The following ADAMTSL1 variants were observed in gnomAD, a reference collection of about 807,000 sequenced individuals.
The protein encoded by ADAMTSL1 is ADAMTS-like protein 1.
A neutral mutation model predicts 201.8 loss-of-function variants in ADAMTSL1; 126 were observed. The observed-to-expected ratio is 0.62, with a 90% CI of 0.54 to 0.72. The LOEUF (loss-of-function observed/expected upper bound fraction) is 0.72. Among genes scored for constraint, ADAMTSL1 ranks in the 30% least tolerant of loss-of-function variants. ADAMTSL1 has a pLI of 0.00. For synonymous variants in ADAMTSL1, 1,121 were observed against 903.4 expected (o/e 1.24, Z -4.32); for missense variants, 2,679 against 2,277.8 (o/e 1.18, Z -3.59).
intron 2 of ADAMTSL1, among the ~76,000 whole-genome samples, chr9:18,173,661 A>G (rs985927949): frequency 3.9e-5 from 6 of 152,186 alleles, no homozygotes; most frequent in Admixed American, 3.9e-4. Context: ...AAGTAATAAA[A>G]TGTGAAGCAT....
In ADAMTSL1 at chr9:18,010,460, C is replaced by A. The variant is rs189856448; in HGVS notation, c.87+103538C>A. Among the ~76,000 whole-genome samples the A allele has an allele frequency of 2.0e-5, 3 of 152,108 alleles. No homozygotes were observed. The East Asian group carries it at 5.8e-4, about 30-fold the overall frequency. On this transcript the variant is annotated intron_variant, in intron 1 of 29. Coordinates refer to the ADAMTSL1 transcript ENST00000680146. ...GGATTGAAGAACAAATAGTCTAATT[C>A]TGTAAAATACTTCACTTGGTTTTAA... is the stretch of plus-strand genomic sequence containing the variant.
At chr9:18,581,362 A>G (rs566787550) in intron 4 of ADAMTSL1, among the ~76,000 whole-genome samples, 2 of 152,338 alleles carry the variant, frequency 1.3e-5, no homozygotes, top group South Asian at 2.1e-4. Context: ...GGTCACATTT[A>G]TAGGCATCAG....
intron 15 of ADAMTSL1, among the ~76,000 whole-genome samples, chr9:18,730,056 T>C (rs1818122371): frequency 1.3e-5 from 2 of 152,214 alleles, no homozygotes; most frequent in Non-Finnish European, 2.9e-5. Flanking sequence ...GTTTTTTGCT[T>C]TCCTTACAAT....
In ADAMTSL1 at chr9:17,985,595, G is replaced by A. The variant is rs140503545; in HGVS notation, c.87+78673G>A. Among the ~76,000 whole-genome samples the A allele has an allele frequency of 5.5e-3, 844 of 152,184 alleles. 8 individuals are homozygous for A. Among genetic ancestry groups the A allele is most frequent in the African/African-American group, 0.019 (797 of 41,536 alleles). On this transcript the variant is annotated intron_variant, in intron 1 of 29. Coordinates refer to the ADAMTSL1 transcript ENST00000680146. ...GACTGAAATGTAGAAACATTTTGCC[G>A]TATTGAGTTTAAGTGGATGCAATTT...
chr9:18,810,090 A>T (rs750366878), intron 20 of ADAMTSL1, among the ~76,000 whole-genome samples: 1 of 152,192 alleles, frequency 6.6e-6, no homozygotes, highest in Admixed American at 6.5e-5. Flanking sequence ...AGGTGAGGTC[A>T]TGTATACCAG....
chr9:18,796,551 C>G (rs1563808721), intron 20 of ADAMTSL1: 1 of 152,262 alleles, frequency 6.6e-6, no homozygotes, highest in Non-Finnish European at 1.5e-5. Context: ...GTACTCCAGT[C>G]ACACATGCTA....
At position 18,111,377 on chromosome 9, in the gene ADAMTSL1, A is replaced by G. The variant is rs371252803; in HGVS notation, c.88-52485A>G. Reference sequence around the variant, plus strand: ...TCACTTAATGTCTAAAGCTTTATGTATTTAAGGAAAATTTTATCCATGTGC... The same window carrying G: ...TCACTTAATGTCTAAAGCTTTATGTGTTTAAGGAAAATTTTATCCATGTGC... On this transcript the variant is annotated intron_variant, in intron 1 of 29. Coordinates refer to the ADAMTSL1 transcript ENST00000680146. Among the ~76,000 whole-genome samples the G allele has an allele frequency of 2.6e-5, 4 of 152,304 alleles. No individual in the cohort carries two copies. In the East Asian group the frequency reaches 5.8e-4, roughly 22 times the overall value.
Position 18,175,628 on chromosome 9 carries a change from A to G in ADAMTSL1, c.207+11647A>G, listed in dbSNP as rs3813710. On this transcript the variant is annotated intron_variant, in intron 2 of 29. Coordinates refer to the ADAMTSL1 transcript ENST00000680146. ...ATATTATCAGTTCAGTGCCTTGCTC[A>G]CAGGACTTCTTCTGCCTGGAATGTC... Among the ~76,000 whole-genome samples, 3 of 152,124 alleles carry G rather than the reference A, an allele frequency of 2.0e-5. No homozygotes were observed. The East Asian group carries it at 5.8e-4, about 29-fold the overall frequency.
intron 20 of ADAMTSL1, among the ~76,000 whole-genome samples, chr9:18,805,487 T>G (rs1279345937): frequency 6.6e-6 from 1 of 152,226 alleles, no homozygotes; most frequent in African/African-American, 2.4e-5. Flanking sequence ...TAGCTAGCAT[T>G]TATTCAAACT....
At chr9:18,468,527 C>T (rs1821092031) in intron 2 of ADAMTSL1, among the ~76,000 whole-genome samples, 1 of 152,050 alleles carries the variant, frequency 6.6e-6, no homozygotes, top group African/African-American at 2.4e-5. Context: ...CTCTACAAAC[C>T]TCTCACTCTA....
intron 1 of ADAMTSL1, among the ~76,000 whole-genome samples, chr9:18,121,729 A>T (rs758751040): frequency 6.6e-6 from 1 of 152,204 alleles, no homozygotes; most frequent in African/African-American, 2.4e-5. Context: ...GACTCCTCCT[A>T]TGAGGAAAGA....
intron 4 of ADAMTSL1, among the ~76,000 whole-genome samples, chr9:18,613,963 G>A (rs544903646): frequency 6.6e-6 from 1 of 152,190 alleles, no homozygotes; most frequent in Non-Finnish European, 1.5e-5. Context: ...TTATTGAGAA[G>A]GTATTAATTT....
chr9:17,977,908 A>G (rs948600682), intron 1 of ADAMTSL1, among the ~76,000 whole-genome samples: 4 of 152,090 alleles, frequency 2.6e-5, no homozygotes, highest in African/African-American at 9.6e-5. Context: ...GAAAGTGGCT[A>G]TTAAAATCCC....
intron 11 of ADAMTSL1, 70 bp from the exon 12 acceptor site, chr9:18,681,742 C>A (rs1587882738): frequency 4.5e-6 from 5 of 1,102,528 alleles, no homozygotes; most frequent in African/African-American, 1.9e-5. Context: ...TAAAAGTTTT[C>A]GATGGGAAGT....
intron 2 of ADAMTSL1, among the ~76,000 whole-genome samples, chr9:18,372,431 C>T (rs1215121280): frequency 1.3e-5 from 2 of 152,094 alleles, no homozygotes; most frequent in East Asian, 3.9e-4. Flanking sequence ...ATTGCCATGA[C>T]CACCTTATGA....
At chr9:18,321,466 T>C (rs1001097894) in intron 2 of ADAMTSL1, among the ~76,000 whole-genome samples, 1 of 152,140 alleles carries the variant, frequency 6.6e-6, no homozygotes, top group Non-Finnish European at 1.5e-5. Context: ...TTGACCTGAT[T>C]AACATTTACA....
intron 10 of ADAMTSL1, among the ~76,000 whole-genome samples, chr9:18,679,228 A>G (rs776422578): frequency 4.6e-5 from 7 of 152,320 alleles, no homozygotes; most frequent in South Asian, 4.1e-4. Context: ...TTAAAATTTT[A>G]ACTATTCAAA....
At position 18,775,885 on chromosome 9, in the gene ADAMTSL1, C is replaced by T; in HGVS notation, c.2540C>T (p.Ala847Val). Residue 847 changes from alanine to valine, a missense_variant, in exon 18 of 29, where the codon GCA (alanine) becomes GTA (valine). By Grantham distance (64) the Ala-to-Val change is moderately conservative. Coordinates refer to ENST00000380548, the MANE Select transcript of ADAMTSL1 (RefSeq NM_001040272.6). ...TCCTCCATCAGGCCCTGTATGCTGG[C>T]AACCTGTGCAAGTAAGTATGTCAGG... ...FSSSIRPCML[A>V]TCARPGRPST... The T allele has an allele frequency of 6.3e-7, 1 of 1,593,778 alleles. No individual in the cohort carries two copies. The highest frequency in any genetic ancestry group is 8.6e-7 in the Non-Finnish European group (1 of 1,169,310).
intron 2 of ADAMTSL1, among the ~76,000 whole-genome samples, chr9:18,196,826 C>G (rs545551621): frequency 3.3e-5 from 5 of 152,154 alleles, no homozygotes; most frequent in East Asian, 3.9e-4. Flanking sequence ...GTTCCCTCAG[C>G]CTGAATTGCT....
Sources: allele counts gnomAD v4.1 joint callset (sites outside exome capture counted in the v4.1 genomes callset), GRCh38; gene constraint gnomAD v4.1.1; transcripts MANE v1.5; gene names NCBI Gene and HGNC (gene_info 2026-07-23, HGNC 2026-07-21).